Variants in TMEM109 observed in about 807,000 individuals in gnomAD.
TMEM109 encodes the protein transmembrane protein 109.
A neutral mutation model predicts 26.4 loss-of-function variants in TMEM109; 19 were observed. That is an observed-to-expected ratio of 0.72 (90% CI 0.50 to 1.06). The LOEUF is 1.06. Among genes scored for constraint, TMEM109 ranks in the 50% least tolerant of loss-of-function variants. TMEM109 has a pLI of 0.00. For missense variants in TMEM109, 262 were observed against 303.4 expected, an observed-to-expected ratio of 0.86 and a Z score of 1.01; for synonymous variants, 129 against 142.0, an observed-to-expected ratio of 0.91 and a Z score of 0.65.
At position 60,923,350 on chromosome 11, in the gene TMEM109, C is replaced by T. The variant is rs1856273707; in HGVS notation, c.*1185C>T. On this transcript the variant is annotated 3_prime_UTR_variant, in exon 4 of 4. Coordinates refer to ENST00000227525, the MANE Select transcript of TMEM109 (RefSeq NM_024092.3). ...CAGGTTTGATGTGGAATCACAGCTG[C>T]AGTGATATATATTTTTTATCAGTGC... 1.3e-5 allele frequency: 2 copies of T among 152,676 alleles called. No homozygotes were observed. Among genetic ancestry groups the T allele is most frequent in the Non-Finnish European group, 1.5e-5 (1 of 68,038 alleles). The allele number at this position is 152,676 out of a possible 1,614,324, so 9.5% of individuals were successfully genotyped here.
chr11:60,920,045 A>C, intron 2 of TMEM109, 115 bp downstream of exon 2: 2 of 852,290 alleles, frequency 2.3e-6, no homozygotes, highest in Non-Finnish European at 3.8e-6. Context: ...AGAGCCCCAA[A>C]TTCCACAAAA....
chr11:60,919,773 T>C lies in TMEM109; in HGVS notation c.80T>C (p.Leu27Pro), dbSNP rs1257244570. Reference protein sequence around the residue: ...AILMVLVALILLHSALAQSRR... With the variant: ...AILMVLVALIPLHSALAQSRR... The stretch of plus-strand genomic sequence containing the variant: ...CTGATGGTCCTAGTGGCCCTTATCC[T>C]CCTCCACTCAGCATTGGCCCAGTCC... The change falls in exon 2 of 4, where the codon CTC (leucine) becomes CCC (proline). Residue 27 changes from leucine (L) to proline (P), a missense_variant. Physicochemically the swap from Leu to Pro is moderately conservative, Grantham distance 98. Coordinates refer to ENST00000227525, the MANE Select transcript of TMEM109 (RefSeq NM_024092.3). 5.0e-6 allele frequency: 8 copies of C among 1,614,120 alleles called. No individual in the cohort carries two copies. Among genetic ancestry groups the C allele is most frequent in the Non-Finnish European group, 5.9e-6 (7 of 1,180,028 alleles).
chr11:60,917,215 G>A (rs1856183061), intron 1 of TMEM109, among the ~76,000 whole-genome samples: 1 of 152,026 alleles, frequency 6.6e-6, no homozygotes, highest in Non-Finnish European at 1.5e-5. Context: ...CCCTAAGCAA[G>A]ACTAGGACAT....
At chr11:60,917,650 A>G (rs1856187406) in intron 1 of TMEM109, among the ~76,000 whole-genome samples, 1 of 152,090 alleles carries the variant, frequency 6.6e-6, no homozygotes, top group African/African-American at 2.4e-5. Context: ...TTAACTCATG[A>G]ATAATCTGTT....
rs754823088 is a variant in TMEM109 at position 60,922,104 on chromosome 11, AG to A, written c.673del (p.Glu225SerfsTer34). Reference sequence around the variant, plus strand: ...GTGCGAGGGCTGGAACGCCAGGTGGAGGAGCTGCGCTGGCGCCAGAGGCGAG... The same window carrying A: ...GTGCGAGGGCTGGAACGCCAGGTGGAGAGCTGCGCTGGCGCCAGAGGCGAG... The part of the protein sequence containing the change: ...AKVRGLERQV[E>X]ELRWRQRRAA... On this transcript the variant is annotated frameshift_variant, in exon 4 of 4. Transcript: ENST00000227525. LOFTEE classifies it high-confidence loss of function. The A allele has an allele frequency of 6.2e-7, 1 of 1,612,770 alleles. No homozygotes were observed. Among genetic ancestry groups the A allele is most frequent in the East Asian group, 2.2e-5 (1 of 44,846 alleles).
chr11:60,920,398 G>A (rs1856223019), intron 2 of TMEM109, among the ~76,000 whole-genome samples: 1 of 152,154 alleles, frequency 6.6e-6, no homozygotes, highest in Admixed American at 6.5e-5. Flanking sequence ...GGACTGAAGG[G>A]CTGAGACAAT....
Position 60,922,338 on chromosome 11 carries a change from T to C in TMEM109, c.*173T>C. On this transcript the variant is annotated 3_prime_UTR_variant, in exon 4 of 4. Coordinates refer to ENST00000227525, the MANE Select transcript of TMEM109 (RefSeq NM_024092.3). Reference sequence around the variant, plus strand: ...AGAAACAGAGAAAGACCATTCCCCCTGCCTGTCCTTGCGGCCCTGTCTTCT... The same window carrying C: ...AGAAACAGAGAAAGACCATTCCCCCCGCCTGTCCTTGCGGCCCTGTCTTCT... The C allele has an allele frequency of 1.3e-6, 2 of 1,535,460 alleles. No individual in the cohort carries two copies. The highest frequency in any genetic ancestry group is 2.4e-5 in the East Asian group (1 of 40,894).
At chr11:60,920,436 GCTGATAGACTCCTTTTTCA>G (rs1159402677) in intron 2 of TMEM109, among the ~76,000 whole-genome samples, 1 of 152,162 alleles carries the variant, frequency 6.6e-6, no homozygotes, top group East Asian at 1.9e-4. Context: ...ATATAGTATA[GCTGATAGACTCCTTTTTCA>G]CTGGAACATC....
At chr11:60,919,539 T>C in intron 1 of TMEM109, 147 bp from the exon 2 acceptor site, 1 of 661,644 alleles carries the variant, frequency 1.5e-6, no homozygotes, top group South Asian at 1.8e-5. Context: ...TCCCAGTCCT[T>C]CCTCTCCCAG....
chr11:60,922,475 A>T lies in TMEM109; in HGVS notation c.*310A>T. 9.9e-7 allele frequency: 1 copy of T among 1,005,516 alleles called. No homozygotes were observed. Among genetic ancestry groups the T allele is most frequent in the Non-Finnish European group, 1.4e-6 (1 of 706,602 alleles). The allele number at this position is 1,005,516 out of a possible 1,614,324, so 62.3% of individuals were successfully genotyped here. On this transcript the variant is annotated 3_prime_UTR_variant, in exon 4 of 4. Transcript: ENST00000227525. ...GGCTTCTGCATCTGCGCCAGCAAAC[A>T]TCACTGCCGTTGGTCTCTCATGACT...
At position 60,922,839 on chromosome 11, in the gene TMEM109, CTGTATGT is replaced by C. The variant is rs1381452968; in HGVS notation, c.*675_*681del. On this transcript the variant is annotated 3_prime_UTR_variant, in exon 4 of 4. Coordinates refer to ENST00000227525, the MANE Select transcript of TMEM109 (RefSeq NM_024092.3). ...GGCCTTCTGCTTGCCTGCTGCCATACTGTATGTAGGAAAGTGTTCTGTGGCTGCTTTG... is the reference window on the plus strand; with the variant it reads ...GGCCTTCTGCTTGCCTGCTGCCATACAGGAAAGTGTTCTGTGGCTGCTTTG... 1 of 163,916 alleles carries C rather than the reference CTGTATGT, an allele frequency of 6.1e-6. No homozygotes were observed. The highest frequency in any genetic ancestry group is 1.3e-5 in the Non-Finnish European group (1 of 74,208). 10.2% of individuals were successfully genotyped at this position (163,916 alleles called of 1,614,324 possible). A position where few individuals can be genotyped will look rare whatever the true frequency, so the allele number is the denominator to read the frequency against.
chr11:60,915,410 A>T (rs978302448), intron 1 of TMEM109, among the ~76,000 whole-genome samples: 13 of 152,210 alleles, frequency 8.5e-5, no homozygotes, highest in African/African-American at 2.7e-4. Flanking sequence ...ACACTGCTGC[A>T]CTTTTGAAGC....
rs141439252 is a variant in TMEM109, at chr11:60,922,875, CAAG to C, written c.*713_*715del. The stretch of plus-strand genomic sequence containing the variant: ...AAAGTGTTCTGTGGCTGCTTTGTGT[CAAG>C]AAAAGAGCAGTCACTCTCAGAATCT... On this transcript the variant is annotated 3_prime_UTR_variant, in exon 4 of 4. Coordinates refer to ENST00000227525, the MANE Select transcript of TMEM109 (RefSeq NM_024092.3). 1,869 of 154,376 alleles carry C rather than the reference CAAG, an allele frequency of 0.012. 43 individuals are homozygous for C. The highest frequency in any genetic ancestry group is 0.043 in the African/African-American group (1,775 of 41,534). 9.6% of individuals were successfully genotyped at this position (154,376 alleles called of 1,614,324 possible). A position where few individuals can be genotyped will look rare whatever the true frequency, so the allele number is the denominator to read the frequency against.
intron 1 of TMEM109, among the ~76,000 whole-genome samples, chr11:60,916,060 C>T (rs747808243): frequency 6.6e-6 from 1 of 152,140 alleles, no homozygotes; most frequent in East Asian, 1.9e-4. Context: ...TGAACTTCAG[C>T]TCCATGAGGG....
rs758776978 is a variant in TMEM109 at position 60,922,575 on chromosome 11, T to G, written c.*410T>G. ...TCTCCTGTCCTTCTGAAGTTGCTCC[T>G]TGGCCAAATCTCCAGCTCCCTTCTT... is the stretch of plus-strand genomic sequence containing the variant. On this transcript the variant is annotated 3_prime_UTR_variant, in exon 4 of 4. Transcript: ENST00000227525. The G allele has an allele frequency of 3.9e-5, 15 of 381,930 alleles. No individual in the cohort carries two copies. The highest frequency in any genetic ancestry group is 7.0e-5 in the Non-Finnish European group (14 of 200,806). The allele number at this position is 381,930 out of a possible 1,614,324, so 23.7% of individuals were successfully genotyped here.
rs765022125 is a variant in TMEM109 at position 60,922,318 on chromosome 11, CAG to C, written c.*157_*158del. ...CCGCAGCCCCACTAGCCAAGAGAAA[CAG>C]AGAAAGACCATTCCCCCTGCCTGTC... is the stretch of plus-strand genomic sequence containing the variant. On this transcript the variant is annotated 3_prime_UTR_variant, in exon 4 of 4. Coordinates refer to ENST00000227525, the MANE Select transcript of TMEM109 (RefSeq NM_024092.3). 3.8e-5 allele frequency: 58 copies of C among 1,537,860 alleles called. No individual in the cohort carries two copies. The highest frequency in any genetic ancestry group is 4.8e-5 in the South Asian group (4 of 83,222).
chr11:60,919,798 CCGT>C lies in TMEM109; in HGVS notation c.108_110del (p.Arg37del), dbSNP rs774451196. On this transcript the variant is annotated inframe_deletion, in exon 2 of 4. Coordinates refer to ENST00000227525, the MANE Select transcript of TMEM109 (RefSeq NM_024092.3). ...TCCTCCACTCAGCATTGGCCCAGTC[CCGT>C]CGAGACTTTGCACCACCAGGCCAAC... 2 of 1,614,162 alleles carry C rather than the reference CCGT, an allele frequency of 1.2e-6. No homozygotes were observed. The highest frequency in any genetic ancestry group is 1.7e-6 in the Non-Finnish European group (2 of 1,180,026).
chr11:60,915,090 G>A (rs978354697), intron 1 of TMEM109, among the ~76,000 whole-genome samples: 3 of 152,302 alleles, frequency 2.0e-5, no homozygotes, highest in African/African-American at 7.2e-5. Context: ...TAGGCGCTGG[G>A]GATTCCAACA....
chr11:60,917,556 A>G (rs1263920095), intron 1 of TMEM109, among the ~76,000 whole-genome samples: 8 of 152,256 alleles, frequency 5.3e-5, no homozygotes, highest in African/African-American at 1.4e-4. Flanking sequence ...GCATTGTGTT[A>G]CAAGACCAGA....
Sources: gnomAD v4.1 joint callset for allele counts (sites outside exome capture counted in the v4.1 genomes callset) on GRCh38, gnomAD v4.1.1 for gene constraint, MANE v1.5 for transcripts, NCBI Gene and HGNC (gene_info 2026-07-23, HGNC 2026-07-21) for gene names.